The following SLC25A30 variants were observed in gnomAD, a reference collection of about 807,000 sequenced individuals.
SLC25A30 encodes the protein kidney mitochondrial carrier protein 1.
Under a neutral mutation model 42.7 loss-of-function variants are expected in SLC25A30, and 29 were observed. The ratio of observed to expected loss-of-function variants is 0.68; its 90% CI spans 0.51 to 0.93. SLC25A30 has a LOEUF of 0.93. Among genes scored for constraint, SLC25A30 ranks in the 40% least tolerant of loss-of-function variants. SLC25A30 has a pLI of 0.00. For missense variants in SLC25A30, 300 were observed against 359.7 expected, an observed-to-expected ratio of 0.83 and a Z score of 1.34; for synonymous variants, 124 against 131.0, an observed-to-expected ratio of 0.95 and a Z score of 0.37.
intron 2 of SLC25A30, among the ~76,000 whole-genome samples, chr13:45,410,876 C>T (rs915594768): frequency 6.6e-6 from 1 of 152,186 alleles, no homozygotes; most frequent in Non-Finnish European, 1.5e-5. Flanking sequence ...CACTAAACTT[C>T]GAACCCTAAA....
chr13:45,422,204 T>C (rs1883906205), upstream of SLC25A30, among the ~76,000 whole-genome samples: 4 of 152,200 alleles, frequency 2.6e-5, no homozygotes, highest in South Asian at 6.2e-4. Context: ...TACATTAAAC[T>C]ACAGGAATGA....
chr13:45,432,769 G>T, the SLC25A30 span, among the ~76,000 whole-genome samples: 17,901 of 151,400 alleles, frequency 0.12, 1,134 homozygotes, highest in African/African-American at 0.16. Flanking sequence ...AGGTGTGGTG[G>T]TTTGCACCTG....
chr13:45,409,673 G>A (rs1053588769), intron 2 of SLC25A30, among the ~76,000 whole-genome samples: 1 of 152,090 alleles, frequency 6.6e-6, no homozygotes, highest in Non-Finnish European at 1.5e-5. Flanking sequence ...GCTGGGCGTG[G>A]TGGCAGGCAC....
At chr13:45,424,616 T>TATATAG in the SLC25A30 span, among the ~76,000 whole-genome samples, 1,417 of 55,056 alleles carry the variant, frequency 0.026, 127 homozygotes, top group Middle Eastern at 0.036. Context: ...TAAATATATA[T>TATATAG]AAATATATAT....
Position 45,418,299 on chromosome 13 carries a change from C to G in SLC25A30, c.-56+1G>C, listed in dbSNP as rs570566589. On this transcript the variant is annotated splice_donor_variant, in intron 1 of 9. Coordinates refer to ENST00000519676, the MANE Select transcript of SLC25A30 (RefSeq NM_001010875.4). LOFTEE classifies it low-confidence loss of function (5UTR_SPLICE). Reference sequence around the variant, plus strand: ...AGGAGGAGGCACGGGCCAGGACTTACCTGGCGGCAGCGGCCCCACACCTCC... The same window carrying G: ...AGGAGGAGGCACGGGCCAGGACTTAGCTGGCGGCAGCGGCCCCACACCTCC... 6.6e-6 allele frequency: 1 copy of G among 152,304 alleles called. No homozygotes were observed. The highest frequency in any genetic ancestry group is 2.4e-5 in the African/African-American group (1 of 41,468). 9.4% of individuals were successfully genotyped at this position (152,304 alleles called of 1,614,324 possible). A position where few individuals can be genotyped will look rare whatever the true frequency, so the allele number is the denominator to read the frequency against.
At chr13:45,432,961 CG>C in the SLC25A30 span, among the ~76,000 whole-genome samples, 3 of 147,900 alleles carry the variant, frequency 2.0e-5, no homozygotes, top group South Asian at 4.3e-4. Flanking sequence ...CACCTGAACC[CG>C]GGAAGGTTGA....
the SLC25A30 span, among the ~76,000 whole-genome samples, chr13:45,423,610 TA>T: frequency 9.6e-6 from 1 of 104,328 alleles, no homozygotes; most frequent in Non-Finnish European, 1.8e-5. Context: ...TATATAAATA[TA>T]TATAAAATAT....
the SLC25A30 span, among the ~76,000 whole-genome samples, chr13:45,433,010 G>A: frequency 2.2e-5 from 3 of 134,722 alleles, no homozygotes; most frequent in Non-Finnish European, 4.6e-5. Context: ...GCACCCCTGG[G>A]CAACAGAATG....
chr13:45,396,323 T>TGAGAGA lies in SLC25A30; in HGVS notation c.835-314_835-309dup, dbSNP rs138488525. 10 of 1,163,886 alleles carry TGAGAGA rather than the reference T, an allele frequency of 8.6e-6. No individual in the cohort carries two copies. The African/African-American group carries it at 1.1e-4, about 13-fold the overall frequency. The allele number at this position is 1,163,886 out of a possible 1,614,324, so 72.1% of individuals were successfully genotyped here. ...AAAACTTTCCAGCACTGTAAGCTTT[T>TGAGAGA]GAGAGAGAGAGAGAGAGAGAGAGTT... On this transcript the variant is annotated intron_variant, in intron 9 of 9. Coordinates refer to ENST00000519676, the MANE Select transcript of SLC25A30 (RefSeq NM_001010875.4).
At chr13:45,414,635 TACACACACACACACAC>T (rs145462442) in intron 1 of SLC25A30, among the ~76,000 whole-genome samples, 5 of 139,908 alleles carry the variant, frequency 3.6e-5, no homozygotes, top group East Asian at 2.1e-4. Flanking sequence ...CACACACACA[TACACACACACACACAC>T]ACACACACAC....
At chr13:45,411,521 A>T in intron 1 of SLC25A30, 41 bp from the exon 2 acceptor site, 5 of 1,263,336 alleles carry the variant, frequency 4.0e-6, no homozygotes, top group Non-Finnish European at 5.7e-6. Context: ...GTAACTTCTC[A>T]CACAGGCAGT....
chr13:45,397,420 C>T (rs1224700995), intron 8 of SLC25A30, 82 bp from the exon 9 acceptor site: 11 of 964,224 alleles, frequency 1.1e-5, no homozygotes, highest in Admixed American at 1.0e-4. Context: ...AGGCCAGGCG[C>T]GGTGGCTCAC....
At chr13:45,402,822 C>T (rs1316503075) in intron 5 of SLC25A30, 1 of 985,310 alleles carries the variant, frequency 1.0e-6, no homozygotes, top group Non-Finnish European at 1.2e-6. Context: ...CTACAGTCTC[C>T]AGCCAGCTGA....
upstream of SLC25A30, among the ~76,000 whole-genome samples, chr13:45,420,997 C>T (rs1003503359): frequency 1.3e-5 from 2 of 152,120 alleles, no homozygotes; most frequent in Non-Finnish European, 2.9e-5. Flanking sequence ...CCTTGGGTTC[C>T]TCCAAGGGTC....
chr13:45,424,024 A>AAT, the SLC25A30 span, among the ~76,000 whole-genome samples: 25 of 81,408 alleles, frequency 3.1e-4, no homozygotes, highest in South Asian at 4.5e-4. Context: ...AATCTGTAAA[A>AAT]ATATATATTT....
In SLC25A30 at chr13:45,415,656, CAGG is replaced by C. The variant is rs569391415; in HGVS notation, c.-56+2641_-56+2643del. Among the ~76,000 whole-genome samples the C allele has an allele frequency of 1.3e-4, 20 of 148,784 alleles. No homozygotes were observed. In the South Asian group the frequency reaches 3.9e-3, roughly 29 times the overall value. On this transcript the variant is annotated intron_variant, in intron 1 of 9. Coordinates refer to ENST00000519676, the MANE Select transcript of SLC25A30 (RefSeq NM_001010875.4). Reference sequence around the variant, plus strand: ...ATCCCAGTTACTCGGGACGCTGAGGCAGGAGAATAGCTTTGAACCCGGGAGGCA... The same window carrying C: ...ATCCCAGTTACTCGGGACGCTGAGGCAGAATAGCTTTGAACCCGGGAGGCA...
intron 1 of SLC25A30, among the ~76,000 whole-genome samples, chr13:45,414,075 T>C (rs1883265172): frequency 6.6e-6 from 1 of 152,234 alleles, no homozygotes. Flanking sequence ...AAAACTTTTC[T>C]ACAAATTAGT....
chr13:45,429,175 T>C, the SLC25A30 span, among the ~76,000 whole-genome samples: 2 of 149,478 alleles, frequency 1.3e-5, no homozygotes, highest in Non-Finnish European at 3.0e-5. Flanking sequence ...TTCCAGCGAT[T>C]CTCAGGCCTC....
chr13:45,393,562 AC>A lies in SLC25A30; in HGVS notation c.*2411del, dbSNP rs1000206421. 1.3e-5 allele frequency: 13 copies of A among 985,304 alleles called. No homozygotes were observed. The African/African-American group carries it at 2.3e-4, about 17-fold the overall frequency. 61.0% of individuals were successfully genotyped at this position (985,304 alleles called of 1,614,324 possible). ...AATCCATAAGCACACAAACAAAAAA[AC>A]CCATTGGTTATAAAAACTAGAATTC... On this transcript the variant is annotated 3_prime_UTR_variant, in exon 10 of 10. Coordinates refer to ENST00000519676, the MANE Select transcript of SLC25A30 (RefSeq NM_001010875.4).
Sources: allele counts gnomAD v4.1 joint callset (sites outside exome capture counted in the v4.1 genomes callset), GRCh38; gene constraint gnomAD v4.1.1; transcripts MANE v1.5; gene names NCBI Gene and HGNC (gene_info 2026-07-23, HGNC 2026-07-21).